The following GREB1L variants were observed in gnomAD, a reference collection of about 807,000 sequenced individuals.
GREB1L encodes GREB1-like protein.
A neutral mutation model predicts 200.8 loss-of-function variants in GREB1L; 17 were observed. The observed-to-expected ratio is 0.08, with a 90% CI of 0.06 to 0.13. GREB1L has a LOEUF of 0.13. Ranked by LOEUF, GREB1L falls within the 10% of genes least tolerant of loss-of-function variation. The pLI is 1.00. For synonymous variants in GREB1L, 789 were observed against 893.0 expected, an observed-to-expected ratio of 0.88 and a Z score of 2.08; for missense variants, 1,657 against 2,367.7, an observed-to-expected ratio of 0.70 and a Z score of 6.23.
chr18:21,321,224 G>A (rs1297148553), intron 1 of GREB1L, among the ~76,000 whole-genome samples: 1 of 152,044 alleles, frequency 6.6e-6, no homozygotes, highest in Non-Finnish European at 1.5e-5. Context: ...GAACCCGGGA[G>A]GTGGAGGTTT....
At chr18:21,518,809 C>T (rs989451047) in intron 31 of GREB1L, among the ~76,000 whole-genome samples, 12 of 152,056 alleles carry the variant, frequency 7.9e-5, no homozygotes, top group Admixed American at 2.6e-4. Context: ...TTTTTTTAAA[C>T]TGCCACTTGC....
At chr18:21,454,734 A>G in intron 15 of GREB1L, 171 bp downstream of exon 15, 1 of 634,152 alleles carries the variant, frequency 1.6e-6, no homozygotes, top group Non-Finnish European at 2.8e-6. Flanking sequence ...CCCTCAAAGT[A>G]CTCTGTCCTT....
chr18:21,341,163 TA>T (rs1228825254), intron 1 of GREB1L, among the ~76,000 whole-genome samples: 1 of 151,516 alleles, frequency 6.6e-6, no homozygotes, highest in African/African-American at 2.4e-5. Flanking sequence ...AGGAAAGGAG[TA>T]GATGAGAAAA....
At chr18:21,456,638 G>A (rs1302340301) in intron 15 of GREB1L, among the ~76,000 whole-genome samples, 2 of 152,142 alleles carry the variant, frequency 1.3e-5, no homozygotes, top group African/African-American at 2.4e-5. Context: ...CTGGTTGACA[G>A]TGCAGTCTTC....
intron 1 of GREB1L, among the ~76,000 whole-genome samples, chr18:21,260,120 GAAAT>G (rs1387077776): frequency 6.6e-6 from 1 of 151,812 alleles, no homozygotes; most frequent in South Asian, 2.1e-4. Flanking sequence ...ATTATATTGA[GAAAT>G]AAATATTTGA....
At chr18:21,499,607 C>T in intron 21 of GREB1L, 122 bp from the exon 22 acceptor site, 2 of 666,390 alleles carry the variant, frequency 3.0e-6, no homozygotes, top group Non-Finnish European at 2.6e-6. Context: ...AGATTTCTTG[C>T]TCAGGGTCTG....
intron 1 of GREB1L, among the ~76,000 whole-genome samples, chr18:21,339,668 G>T (rs1278852075): frequency 6.6e-6 from 1 of 152,210 alleles, no homozygotes; most frequent in Non-Finnish European, 1.5e-5. Context: ...GTGAAGCAAA[G>T]TGTTCAAAGC....
chr18:21,388,218 G>A (rs1007464348), intron 4 of GREB1L, among the ~76,000 whole-genome samples: 3 of 151,906 alleles, frequency 2.0e-5, no homozygotes, highest in African/African-American at 7.3e-5. Flanking sequence ...GCTTGTATTG[G>A]CAAATAGCTA....
intron 9 of GREB1L, 26 bp downstream of exon 9, chr18:21,440,414 G>T (rs373391550): frequency 2.1e-4 from 321 of 1,545,598 alleles, no homozygotes; most frequent in Non-Finnish European, 2.3e-4. Flanking sequence ...AAGATGGATT[G>T]TAAGTGTGTT....
intron 15 of GREB1L, among the ~76,000 whole-genome samples, chr18:21,471,612 TTTTG>T (rs1358191280): frequency 3.3e-5 from 3 of 91,982 alleles, no homozygotes; most frequent in African/African-American, 5.6e-5. Context: ...TTTTCCTCTC[TTTTG>T]TTTCTTTTTT....
chr18:21,321,958 C>G (rs2038958114), intron 1 of GREB1L, among the ~76,000 whole-genome samples: 2 of 152,124 alleles, frequency 1.3e-5, no homozygotes, highest in Admixed American at 1.3e-4. Context: ...TAGGAACATT[C>G]CACATAAGGA....
intron 1 of GREB1L, among the ~76,000 whole-genome samples, chr18:21,268,565 ATAT>A (rs2038022871): frequency 3.9e-5 from 3 of 77,418 alleles, no homozygotes; most frequent in African/African-American, 2.1e-4. Context: ...ACACACATAT[ATAT>A]ATATATATAT....
intron 10 of GREB1L, among the ~76,000 whole-genome samples, chr18:21,443,124 A>C (rs2033995221): frequency 6.6e-6 from 1 of 151,954 alleles, no homozygotes; most frequent in African/African-American, 2.4e-5. Flanking sequence ...GGCTGGTCTC[A>C]ACTCCTGACC....
chr18:21,525,336 C>A lies in GREB1L; in HGVS notation c.*2515C>A, dbSNP rs550757801. On this transcript the variant is annotated 3_prime_UTR_variant, in exon 33 of 33. Transcript: ENST00000424526. ...TCTACCTCACATTTTGTTAATGATT[C>A]AAAATTGTCTTGTGTCTACTGTTAT... The A allele has an allele frequency of 1.3e-5, 2 of 152,176 alleles. No individual in the cohort carries two copies. Among genetic ancestry groups the A allele is most frequent in the South Asian group, 4.2e-4 (2 of 4,816 alleles). 9.4% of individuals were successfully genotyped at this position (152,176 alleles called of 1,614,324 possible).
intron 28 of GREB1L, among the ~76,000 whole-genome samples, chr18:21,514,514 CA>C (rs996802712): frequency 4.0e-5 from 6 of 151,864 alleles, no homozygotes; most frequent in Non-Finnish European, 7.4e-5. Context: ...GACTCTGTCT[CA>C]AAAAAACAAA....
At chr18:21,318,038 G>C (rs1293715390) in intron 1 of GREB1L, among the ~76,000 whole-genome samples, 1 of 151,274 alleles carries the variant, frequency 6.6e-6, no homozygotes, top group Admixed American at 6.6e-5. Flanking sequence ...AACCAGGGAG[G>C]TGGAGGTTGC....
intron 2 of GREB1L, among the ~76,000 whole-genome samples, chr18:21,381,013 T>C (rs866437828): frequency 2.8e-4 from 42 of 152,020 alleles, no homozygotes; most frequent in African/African-American, 9.7e-4. Flanking sequence ...AAGGCCGAGG[T>C]GGGCGGATCA....
In GREB1L at chr18:21,453,422, C is replaced by T. The variant is rs371792576; in HGVS notation, c.1985-944C>T. Among the ~76,000 whole-genome samples, 3 of 152,208 alleles carry T rather than the reference C, an allele frequency of 2.0e-5. No individual in the cohort carries two copies. The South Asian group carries it at 6.2e-4, about 32-fold the overall frequency. On this transcript the variant is annotated intron_variant, in intron 14 of 32. Transcript: ENST00000424526. The stretch of plus-strand genomic sequence containing the variant: ...TGATTTTAGAAAACATTAATTAGCA[C>T]AGGTTAATTAGGCCCTGTTGCAGTT...
chr18:21,414,914 G>A (rs2031475928), intron 7 of GREB1L, among the ~76,000 whole-genome samples: 1 of 152,132 alleles, frequency 6.6e-6, no homozygotes, highest in Admixed American at 6.5e-5. Flanking sequence ...AGGCAACAAA[G>A]AATAGTGATC....
Sources: gnomAD v4.1 joint callset for allele counts (sites outside exome capture counted in the v4.1 genomes callset) on GRCh38, gnomAD v4.1.1 for gene constraint, MANE v1.5 for transcripts, NCBI Gene and HGNC (gene_info 2026-07-23, HGNC 2026-07-21) for gene names.